GALNT5: variants seen among roughly 807,000 people sequenced by gnomAD.
GALNT5 encodes the protein polypeptide N-acetylgalactosaminyltransferase 5.
In GALNT5, 72 loss-of-function variants were observed where a neutral mutation model predicts 85.4. The observed-to-expected ratio is 0.84, with a 90% CI of 0.70 to 1.03. GALNT5 has a LOEUF of 1.03. Ranked by LOEUF, GALNT5 falls within the 50% of genes least tolerant of loss-of-function variation. GALNT5 has a pLI of 0.00. For missense variants in GALNT5, 1,137 were observed against 1,135.5 expected, an observed-to-expected ratio of 1.00 and a Z score of -0.02; for synonymous variants, 404 against 397.0, an observed-to-expected ratio of 1.02 and a Z score of -0.21.
At chr2:157,308,210 T>C (rs948891750) in intron 8 of GALNT5, among the ~76,000 whole-genome samples, 7 of 152,192 alleles carry the variant, frequency 4.6e-5, no homozygotes, top group African/African-American at 7.2e-5. Context: ...TTGTCGGGAT[T>C]CAGAACACTG....
rs571928064 is a variant in GALNT5 at position 157,288,514 on chromosome 2, A to C, written c.1741+2380A>C. Reference sequence around the variant, plus strand: ...AGAAGTACAAATGTCCTAATGAAGAAATGAGCTTGGCATATTCAAGGTAAA... The same window carrying C: ...AGAAGTACAAATGTCCTAATGAAGACATGAGCTTGGCATATTCAAGGTAAA... On this transcript the variant is annotated intron_variant, in intron 3 of 9. Coordinates refer to ENST00000259056, the MANE Select transcript of GALNT5 (RefSeq NM_014568.3). 7.2e-5 allele frequency among the ~76,000 whole-genome samples: 11 copies of C among 152,332 alleles called. No homozygotes were observed. The South Asian group carries it at 2.3e-3, about 32-fold the overall frequency.
chr2:157,271,346 T>C (rs1682581358), intron 1 of GALNT5, among the ~76,000 whole-genome samples: 1 of 152,182 alleles, frequency 6.6e-6, no homozygotes, highest in Non-Finnish European at 1.5e-5. Context: ...AGGGGTCCTA[T>C]ACACTAAAGA....
intron 3 of GALNT5, among the ~76,000 whole-genome samples, chr2:157,291,643 A>T: frequency 1.0e-4 from 1 of 9,732 alleles, no homozygotes; most frequent in Admixed American, 1.3e-3. Context: ...ACCCCCCCCC[A>T]GATTTTTAAG....
chr2:157,289,247 G>A (rs1683042047), intron 3 of GALNT5, among the ~76,000 whole-genome samples: 1 of 152,174 alleles, frequency 6.6e-6, no homozygotes, highest in African/African-American at 2.4e-5. Context: ...TAAAGCAGTT[G>A]CAACTGCTTG....
intron 3 of GALNT5, among the ~76,000 whole-genome samples, chr2:157,291,762 T>C (rs1683105509): frequency 6.6e-6 from 1 of 152,060 alleles, no homozygotes; most frequent in Admixed American, 6.6e-5. Context: ...TTTTATATTC[T>C]TTAACCCGCC....
chr2:157,314,105 C>A lies in GALNT5; in HGVS notation c.*2757C>A, dbSNP rs1241702968. ...TCTTCTGGTAATTCTAGTGATAAAC[C>A]TTTGGATGAGACAGGTCCTAATCAG... is the stretch of plus-strand genomic sequence containing the variant. On this transcript the variant is annotated 3_prime_UTR_variant, in exon 10 of 10. Transcript: ENST00000259056. The A allele has an allele frequency of 6.6e-6, 1 of 151,650 alleles. No individual in the cohort carries two copies. The highest frequency in any genetic ancestry group is 1.5e-5 in the Non-Finnish European group (1 of 67,956). 9.4% of individuals were successfully genotyped at this position (151,650 alleles called of 1,614,324 possible).
At chr2:157,292,487 C>T (rs1033211812) in intron 3 of GALNT5, among the ~76,000 whole-genome samples, 1 of 152,140 alleles carries the variant, frequency 6.6e-6, no homozygotes, top group Non-Finnish European at 1.5e-5. Context: ...TGCTGCTTCC[C>T]TTAGGTCCTG....
Position 157,258,506 on chromosome 2 carries a change from C to A in GALNT5, c.424C>A (p.Gln142Lys), listed in dbSNP as rs773680489. The A allele has an allele frequency of 6.2e-7, 1 of 1,610,470 alleles. No individual in the cohort carries two copies. Residue 142 changes from glutamine to lysine, a missense_variant, in exon 1 of 10, where the codon CAG (glutamine) becomes AAG (lysine). Physicochemically the swap from Gln to Lys is moderately conservative, Grantham distance 53. Transcript: ENST00000259056. ...LQTLPVTPNKQKTDGRGTKPE... is the reference protein window; with the variant it reads ...LQTLPVTPNKKKTDGRGTKPE... ...GACCCTCCCTGTGACTCCTAACAAGCAGAAGACAGACGGGAGAGGCACCAA... is the reference window on the plus strand; with the variant it reads ...GACCCTCCCTGTGACTCCTAACAAGAAGAAGACAGACGGGAGAGGCACCAA...
chr2:157,298,114 G>A (rs761027010), intron 5 of GALNT5, among the ~76,000 whole-genome samples: 1 of 151,884 alleles, frequency 6.6e-6, no homozygotes, highest in Non-Finnish European at 1.5e-5. Flanking sequence ...TTGTGAGGCA[G>A]GAGAATAGGG....
chr2:157,308,589 G>T lies in GALNT5; in HGVS notation c.2543G>T (p.Trp848Leu). ...CAGCTTCAACAATTTAATTACACCT[G>T]GTTAAGACTTATTAAATGTGGAGAA... is the stretch of plus-strand genomic sequence containing the variant. ...SKELQQFNYT[W>L]LRLIKCGEWC... is the part of the protein sequence containing the mutation. The change falls in exon 9 of 10, where the codon TGG becomes TTG. Residue 848 changes from tryptophan (W) to leucine (L), a missense_variant. Coordinates refer to ENST00000259056, the MANE Select transcript of GALNT5 (RefSeq NM_014568.3). The T allele has an allele frequency of 6.2e-7, 1 of 1,612,772 alleles. No homozygotes were observed.
intron 3 of GALNT5, 128 bp from the exon 4 acceptor site, chr2:157,295,535 A>G (rs1574029364): frequency 1.0e-4 from 1 of 9,830 alleles, no homozygotes; most frequent in East Asian, 2.0e-3. Context: ...ACGAATTCAG[A>G]AAAAAAAAAA....
chr2:157,266,542 T>C (rs896274268), intron 1 of GALNT5, among the ~76,000 whole-genome samples: 1 of 152,198 alleles, frequency 6.6e-6, no homozygotes, highest in Non-Finnish European at 1.5e-5. Context: ...CAGTGATGTG[T>C]GTGTATGCAT....
chr2:157,301,677 T>C (rs1683346056), intron 7 of GALNT5: 1 of 152,388 alleles, frequency 6.6e-6, no homozygotes, highest in African/African-American at 2.4e-5. Flanking sequence ...GGATTTTATT[T>C]CTTTCCTTCC....
At chr2:157,289,562 G>A (rs1217693665) in intron 3 of GALNT5, among the ~76,000 whole-genome samples, 2 of 152,050 alleles carry the variant, frequency 1.3e-5, no homozygotes, top group Non-Finnish European at 2.9e-5. Flanking sequence ...GATTCACTAA[G>A]GGAATCTACA....
At chr2:157,284,028 G>A (rs1304299558) in intron 1 of GALNT5, among the ~76,000 whole-genome samples, 3 of 152,112 alleles carry the variant, frequency 2.0e-5, no homozygotes, top group Non-Finnish European at 4.4e-5. Context: ...TGCATTTCTA[G>A]TCCTTTTATA....
In GALNT5 at chr2:157,316,070, T is replaced by G. The variant is rs1213780505; in HGVS notation, c.*4722T>G. 1.3e-5 allele frequency among the ~76,000 whole-genome samples: 2 copies of G among 152,120 alleles called. No homozygotes were observed. The highest frequency in any genetic ancestry group is 6.5e-5 in the Admixed American group (1 of 15,268). On this transcript the variant is annotated 3_prime_UTR_variant, in exon 10 of 10. Transcript: ENST00000259056. ...AGACTGGCCCTCCCACCCTAACCTT[T>G]TATTATGCAAATGCATCTTCTACCT...
At position 157,317,198 on chromosome 2, in the gene GALNT5, A is replaced by ATATATATT. The variant is rs1292694926; in HGVS notation, c.*5851_*5852insATATATTT. 2.3e-5 allele frequency among the ~76,000 whole-genome samples: 3 copies of ATATATATT among 132,980 alleles called. No homozygotes were observed. The highest frequency in any genetic ancestry group is 3.2e-5 in the Non-Finnish European group (2 of 63,126). The allele number at this position is 132,980 out of a possible 152,430, so 87.2% of individuals were successfully genotyped here. On this transcript the variant is annotated 3_prime_UTR_variant, in exon 10 of 10. Transcript: ENST00000259056. ...TGTATATATATATATATATATATATATTTTTTTTTTTGATGCTTTGATCTG... is the reference window on the plus strand; with the variant it reads ...TGTATATATATATATATATATATATATATATATTTTTTTTTTTTTGATGCTTTGATCTG...
chr2:157,308,515 C>T, intron 8 of GALNT5, 52 bp from the exon 9 acceptor site: 3 of 1,426,382 alleles, frequency 2.1e-6, no homozygotes, highest in South Asian at 2.6e-5. Context: ...TTGACAAAGC[C>T]CCTGCCTGTG....
intron 1 of GALNT5, among the ~76,000 whole-genome samples, chr2:157,275,336 C>G (rs1211562432): frequency 3.3e-5 from 5 of 152,028 alleles, no homozygotes; most frequent in Non-Finnish European, 7.4e-5. Context: ...TCCATATGAA[C>G]TTTAAAGGAG....
Sources: gnomAD v4.1 joint callset for allele counts (sites outside exome capture counted in the v4.1 genomes callset) on GRCh38, gnomAD v4.1.1 for gene constraint, MANE v1.5 for transcripts, NCBI Gene and HGNC (gene_info 2026-07-23, HGNC 2026-07-21) for gene names.